Variants in ADCY9 observed in about 807,000 individuals in gnomAD.
ADCY9 encodes the protein adenylate cyclase 9, also known as adenylate cyclase type 9.
Under a neutral mutation model 101.5 loss-of-function variants are expected in ADCY9, and 50 were observed. That is an observed-to-expected ratio of 0.49 (90% CI 0.39 to 0.62). ADCY9 has a LOEUF of 0.62. ADCY9 is among the 20% of genes least tolerant of loss of function. ADCY9 has a pLI of 0.00. For synonymous variants in ADCY9, 905 were observed against 769.3 expected (o/e 1.18, Z -2.92); for missense variants, 1,662 against 1,800.4 (o/e 0.92, Z 1.39).
At chr16:4,031,334 A>G (rs2056553822) in intron 2 of ADCY9, among the ~76,000 whole-genome samples, 1 of 152,234 alleles carries the variant, frequency 6.6e-6, no homozygotes, top group African/African-American at 2.4e-5. Context: ...TCAGCAAAGA[A>G]AAAAGAGGAC....
At chr16:3,984,941 C>T (rs554549909) in intron 6 of ADCY9, among the ~76,000 whole-genome samples, 7 of 152,240 alleles carry the variant, frequency 4.6e-5, no homozygotes, top group Middle Eastern at 3.4e-3. Flanking sequence ...GGCACTTGGA[C>T]GGTGGGAGCA....
chr16:4,014,048 G>A (rs1267001376), intron 2 of ADCY9, among the ~76,000 whole-genome samples: 1 of 152,160 alleles, frequency 6.6e-6, no homozygotes, highest in African/African-American at 2.4e-5. Context: ...GTCAGGCGCG[G>A]TAGCTCACTC....
intron 2 of ADCY9, among the ~76,000 whole-genome samples, chr16:4,089,285 C>T (rs572636726): frequency 6.6e-6 from 1 of 152,052 alleles, no homozygotes; most frequent in African/African-American, 2.4e-5. Flanking sequence ...AGGCTGGTCT[C>T]GAACTCCTGG....
chr16:3,997,534 C>T (rs903222853), intron 3 of ADCY9, among the ~76,000 whole-genome samples: 16 of 152,354 alleles, frequency 1.1e-4, no homozygotes, highest in African/African-American at 2.9e-4. Context: ...CTGGCAGAGC[C>T]GCCCACAAAT....
intron 2 of ADCY9, among the ~76,000 whole-genome samples, chr16:4,023,678 C>T (rs1166331985): frequency 1.3e-5 from 2 of 152,082 alleles, no homozygotes; most frequent in African/African-American, 2.4e-5. Flanking sequence ...TTTGGGAGGC[C>T]GAGGTAGGCG....
intron 2 of ADCY9, among the ~76,000 whole-genome samples, chr16:4,057,499 C>T (rs975263898): frequency 1.5e-4 from 23 of 152,116 alleles, no homozygotes; most frequent in Admixed American, 1.5e-3. Context: ...TGTCCGCCGG[C>T]CACCGTTCTG....
At chr16:4,057,044 C>CG (rs1555441473) in intron 2 of ADCY9, among the ~76,000 whole-genome samples, 8 of 141,338 alleles carry the variant, frequency 5.7e-5, no homozygotes, top group South Asian at 2.4e-4. Flanking sequence ...AACCGCCCCC[C>CG]CCCCCCCCGC....
chr16:4,036,096 A>G (rs2056587695), intron 2 of ADCY9, among the ~76,000 whole-genome samples: 1 of 144,728 alleles, frequency 6.9e-6, no homozygotes, highest in Non-Finnish European at 1.5e-5. Context: ...ATGATGCCAG[A>G]GCTGTGATCT....
At chr16:4,081,170 G>A (rs771585754) in intron 2 of ADCY9, among the ~76,000 whole-genome samples, 17 of 152,286 alleles carry the variant, frequency 1.1e-4, no homozygotes, top group Non-Finnish European at 2.1e-4. Flanking sequence ...CTCCCGCAGC[G>A]GGGCATTCCC....
In ADCY9 at chr16:3,988,097, A is replaced by G. The variant is rs530980955; in HGVS notation, c.2310+897T>C. On this transcript the variant is annotated intron_variant, in intron 6 of 10. Coordinates refer to ENST00000294016, the MANE Select transcript of ADCY9 (RefSeq NM_001116.4). Reference sequence around the variant, plus strand: ...ACCTCACAGAGCTGAGCATCTAGGGAGGGAGGAACACGAATCCAGAACCAC... The same window carrying G: ...ACCTCACAGAGCTGAGCATCTAGGGGGGGAGGAACACGAATCCAGAACCAC... 5.3e-5 allele frequency among the ~76,000 whole-genome samples: 8 copies of G among 152,116 alleles called. No homozygotes were observed. The East Asian group carries it at 1.5e-3, about 29-fold the overall frequency.
intron 2 of ADCY9, among the ~76,000 whole-genome samples, chr16:4,106,329 C>T (rs1418440637): frequency 6.6e-6 from 1 of 152,170 alleles, no homozygotes; most frequent in African/African-American, 2.4e-5. Context: ...GAGGACCACC[C>T]TACCCTTGGC....
chr16:4,016,946 A>G (rs754099456), intron 2 of ADCY9, among the ~76,000 whole-genome samples: 24 of 152,310 alleles, frequency 1.6e-4, no homozygotes, highest in Middle Eastern at 6.8e-3. Flanking sequence ...CAAATCATAC[A>G]CTTGAGAGGG....
At chr16:4,010,671 G>A (rs1436877075) in intron 2 of ADCY9, among the ~76,000 whole-genome samples, 1 of 152,186 alleles carries the variant, frequency 6.6e-6, no homozygotes, top group African/African-American at 2.4e-5. Context: ...GGCGTGCCAA[G>A]TCCCAGGACA....
Position 4,097,553 on chromosome 16 carries a change from A to ATATATATATTTTTTT in ADCY9, c.1693+16196_1693+16197insAAAAAAATATATATA, listed in dbSNP as rs1382458827. On this transcript the variant is annotated intron_variant, in intron 2 of 10. Coordinates refer to ENST00000294016, the MANE Select transcript of ADCY9 (RefSeq NM_001116.4). The stretch of plus-strand genomic sequence containing the variant: ...CATATATATATATATATATATATAT[A>ATATATATATTTTTTT]TTTTTTTTTTTTTTTTTTAAGACAG... 7.9e-4 allele frequency among the ~76,000 whole-genome samples: 42 copies of ATATATATATTTTTTT among 53,392 alleles called. 2 individuals are homozygous for ATATATATATTTTTTT. The highest frequency in any genetic ancestry group is 2.7e-3 in the African/African-American group (31 of 11,580). 35.0% of individuals were successfully genotyped at this position (53,392 alleles called of 152,430 possible). A position where few individuals can be genotyped will look rare whatever the true frequency, so the allele number is the denominator to read the frequency against.
At chr16:4,071,982 G>A (rs1453001837) in intron 2 of ADCY9, among the ~76,000 whole-genome samples, 2 of 152,094 alleles carry the variant, frequency 1.3e-5, no homozygotes, top group Non-Finnish European at 2.9e-5. Context: ...CAATCTCTGT[G>A]TGCACAGAAT....
rs552555768 is a variant in ADCY9 at position 3,966,632 on chromosome 16, C to T, written c.3205G>A (p.Glu1069Lys). ...VIFASIVNFS[E>K]FYEENYEGGK... ...CCCTCGTAGTTCTCCTCGTAGAACT[C>T]GCTGAAGTTGACGATGCTGGCGAAG... The change falls in exon 11 of 11, where the codon GAG becomes AAG. Residue 1069 changes from glutamate (E) to lysine (K), a missense_variant. Transcript: ENST00000294016. 1 of 1,614,178 alleles carries T rather than the reference C, an allele frequency of 6.2e-7. No homozygotes were observed. The highest frequency in any genetic ancestry group is 1.1e-5 in the South Asian group (1 of 91,084).
chr16:4,061,020 G>C (rs1363071945), intron 2 of ADCY9, among the ~76,000 whole-genome samples: 1 of 151,950 alleles, frequency 6.6e-6, no homozygotes. Context: ...CTAATAAAGA[G>C]ACAGAAATTA....
chr16:4,003,386 C>T (rs781110946), intron 3 of ADCY9, among the ~76,000 whole-genome samples: 3 of 152,108 alleles, frequency 2.0e-5, no homozygotes, highest in Non-Finnish European at 4.4e-5. Context: ...CCCTGCTCTG[C>T]GTGGAGTGAA....
intron 2 of ADCY9, among the ~76,000 whole-genome samples, chr16:4,068,974 C>T (rs1347234263): frequency 6.6e-6 from 1 of 152,140 alleles, no homozygotes; most frequent in Non-Finnish European, 1.5e-5. Context: ...TCTGCTATTA[C>T]AAGAAAGACA....
Sources: allele counts gnomAD v4.1 joint callset (sites outside exome capture counted in the v4.1 genomes callset), GRCh38; gene constraint gnomAD v4.1.1; transcripts MANE v1.5; gene names NCBI Gene and HGNC (gene_info 2026-07-23, HGNC 2026-07-21).